Variants in KCTD16 observed in about 807,000 individuals in gnomAD.
KCTD16 encodes BTB/POZ domain-containing protein KCTD16.
A neutral mutation model predicts 33.2 loss-of-function variants in KCTD16; 13 were observed. The ratio of observed to expected loss-of-function variants is 0.39; its 90% CI spans 0.25 to 0.62. The LOEUF is 0.62. KCTD16 is among the 20% of genes least tolerant of loss of function. The probability of loss-of-function intolerance (pLI) is 0.50; values close to 1 mark genes in which losing one functional copy is unlikely to be tolerated. For synonymous variants in KCTD16, 197 were observed against 195.3 expected, an observed-to-expected ratio of 1.01 and a Z score of -0.07; for missense variants, 441 against 525.1, an observed-to-expected ratio of 0.84 and a Z score of 1.57.
intron 3 of KCTD16, among the ~76,000 whole-genome samples, chr5:144,253,471 A>G (rs1754757685): frequency 6.6e-6 from 1 of 152,210 alleles, no homozygotes; most frequent in South Asian, 2.1e-4. Context: ...CAGATGCTTT[A>G]TTCTGTTTTC....
At position 144,398,708 on chromosome 5, in the gene KCTD16, A is replaced by ACTCTCTCTCT. The variant is rs367796082; in HGVS notation, c.833-74937_833-74928dup. 3.5e-3 allele frequency among the ~76,000 whole-genome samples: 508 copies of ACTCTCTCTCT among 145,524 alleles called. 4 individuals are homozygous for ACTCTCTCTCT. Among genetic ancestry groups the ACTCTCTCTCT allele is most frequent in the African/African-American group, 0.011 (457 of 39,826 alleles). On this transcript the variant is annotated intron_variant, in intron 3 of 3. Transcript: ENST00000512467. Reference sequence around the variant, plus strand: ...CTTTGAATATATTACACACACACACACTCTCTCTCTCTCTCTCTCTCTCTT... The same window carrying ACTCTCTCTCT: ...CTTTGAATATATTACACACACACACACTCTCTCTCTCTCTCTCTCTCTCTCTCTCTCTCTT...
chr5:144,339,588 T>C (rs147424637), intron 3 of KCTD16, among the ~76,000 whole-genome samples: 4 of 152,302 alleles, frequency 2.6e-5, no homozygotes, highest in Non-Finnish European at 5.9e-5. Context: ...GACATGTTAC[T>C]AGAAATGTAC....
chr5:144,319,616 T>C (rs549760398), intron 3 of KCTD16, among the ~76,000 whole-genome samples: 1 of 152,360 alleles, frequency 6.6e-6, no homozygotes, highest in South Asian at 2.1e-4. Context: ...TCTTTTGTCT[T>C]CTCATCAAGA....
At chr5:144,303,152 G>C (rs1458969637) in intron 3 of KCTD16, among the ~76,000 whole-genome samples, 1 of 152,186 alleles carries the variant, frequency 6.6e-6, no homozygotes, top group African/African-American at 2.4e-5. Flanking sequence ...GACGTGTCAA[G>C]GACAGAAGAC....
intron 3 of KCTD16, among the ~76,000 whole-genome samples, chr5:144,443,314 T>A (rs983240973): frequency 6.6e-6 from 1 of 152,160 alleles, no homozygotes; most frequent in Non-Finnish European, 1.5e-5. Context: ...TTTGTAAATT[T>A]TTCTTGAATA....
At chr5:144,389,697 ACCAGTC>A (rs1752408042) in intron 3 of KCTD16, among the ~76,000 whole-genome samples, 2 of 152,062 alleles carry the variant, frequency 1.3e-5, no homozygotes, top group Non-Finnish European at 2.9e-5. Flanking sequence ...CTTCCACGAA[ACCAGTC>A]CCCTGTGCCA....
chr5:144,429,340 G>T (rs71592905), intron 3 of KCTD16, among the ~76,000 whole-genome samples: 17 of 152,200 alleles, frequency 1.1e-4, no homozygotes, highest in African/African-American at 4.1e-4. Flanking sequence ...GTTCCCTATG[G>T]CTGCTTTTCC....
chr5:144,215,105 C>A (rs1210620157), intron 3 of KCTD16, among the ~76,000 whole-genome samples: 1 of 152,146 alleles, frequency 6.6e-6, no homozygotes, highest in African/African-American at 2.4e-5. Flanking sequence ...CTAACTTTCA[C>A]TGAGTGCTAA....
At chr5:144,402,459 A>T (rs1433057195) in intron 3 of KCTD16, among the ~76,000 whole-genome samples, 1 of 152,210 alleles carries the variant, frequency 6.6e-6, no homozygotes, top group Non-Finnish European at 1.5e-5. Flanking sequence ...GGGTGCAAGA[A>T]GAGTACAGCT....
chr5:144,338,458 A>G (rs1267647571), intron 3 of KCTD16, among the ~76,000 whole-genome samples: 2 of 152,288 alleles, frequency 1.3e-5, no homozygotes, highest in African/African-American at 4.8e-5. Context: ...ATAAGTTGAC[A>G]TATGTATGTA....
At chr5:144,204,066 C>A (rs888014932) in intron 2 of KCTD16, among the ~76,000 whole-genome samples, 10 of 152,138 alleles carry the variant, frequency 6.6e-5, no homozygotes, top group Admixed American at 6.5e-4. Flanking sequence ...GGAATGTTAG[C>A]TAACGCTCTG....
At chr5:144,193,203 T>A (rs931907873) in intron 2 of KCTD16, among the ~76,000 whole-genome samples, 8 of 152,232 alleles carry the variant, frequency 5.3e-5, no homozygotes, top group African/African-American at 1.9e-4. Flanking sequence ...AGTCACCTTT[T>A]AAAAAGTAAG....
At chr5:144,208,601 A>T (rs1753264345) in intron 3 of KCTD16, among the ~76,000 whole-genome samples, 1 of 152,250 alleles carries the variant, frequency 6.6e-6, no homozygotes. Context: ...CAAATCCAGA[A>T]TTCAGGATTA....
intron 3 of KCTD16, among the ~76,000 whole-genome samples, chr5:144,369,144 G>A (rs1751906475): frequency 6.6e-6 from 1 of 152,112 alleles, no homozygotes; most frequent in African/African-American, 2.4e-5. Flanking sequence ...GAAAGTGGCT[G>A]CACTGCCCCA....
At chr5:144,410,622 C>T (rs1030996391) in intron 3 of KCTD16, among the ~76,000 whole-genome samples, 10 of 152,140 alleles carry the variant, frequency 6.6e-5, no homozygotes, top group African/African-American at 2.4e-4. Flanking sequence ...TTCATTACTT[C>T]TGTGACATTT....
At position 144,417,916 on chromosome 5, in the gene KCTD16, C is replaced by T. The variant is rs571236669; in HGVS notation, c.833-55744C>T. Among the ~76,000 whole-genome samples, 84 of 152,176 alleles carry T rather than the reference C, an allele frequency of 5.5e-4. No homozygotes were observed. The South Asian group carries it at 0.017, about 30-fold the overall frequency. Reference sequence around the variant, plus strand: ...TGACTTCAAGAATGAAGCTATGGACCCTCACAGTGAGTGTTACAGTTCTTA... The same window carrying T: ...TGACTTCAAGAATGAAGCTATGGACTCTCACAGTGAGTGTTACAGTTCTTA... On this transcript the variant is annotated intron_variant, in intron 3 of 3. Transcript: ENST00000512467.
intron 3 of KCTD16, among the ~76,000 whole-genome samples, chr5:144,234,339 G>A (rs1247600044): frequency 6.6e-6 from 1 of 152,096 alleles, no homozygotes; most frequent in Non-Finnish European, 1.5e-5. Context: ...TGTAAGAATT[G>A]AAATATATAA....
chr5:144,343,558 G>T (rs1004209360), intron 3 of KCTD16, among the ~76,000 whole-genome samples: 3 of 151,814 alleles, frequency 2.0e-5, no homozygotes, highest in Non-Finnish European at 4.4e-5. Flanking sequence ...TTTTTGAAGG[G>T]TTTTTTGTGT....
intron 3 of KCTD16, among the ~76,000 whole-genome samples, chr5:144,390,529 T>TG (rs1327525151): frequency 2.0e-5 from 3 of 151,626 alleles, no homozygotes; most frequent in African/African-American, 4.8e-5. Context: ...GTGTTTAATT[T>TG]TTTTTTTTAT....
Sources: allele counts gnomAD v4.1 joint callset (sites outside exome capture counted in the v4.1 genomes callset), GRCh38; gene constraint gnomAD v4.1.1; transcripts MANE v1.5; gene names NCBI Gene and HGNC (gene_info 2026-07-23, HGNC 2026-07-21).